The following OAS1 variants were observed in gnomAD, a reference collection of about 807,000 sequenced individuals.
OAS1 encodes 2'-5'-oligoadenylate synthetase 1, also known as 2'-5'-oligoadenylate synthase 1.
OAS1 carries 24 observed loss-of-function variants against 38.5 expected under a neutral mutation model. The ratio of observed to expected loss-of-function variants is 0.62; its 90% CI spans 0.45 to 0.88. The LOEUF is 0.88. Among genes scored for constraint, OAS1 ranks in the 40% least tolerant of loss-of-function variants. The pLI, the probability that OAS1 is intolerant of heterozygous loss-of-function variation, is 0.00. For synonymous variants in OAS1, 169 were observed against 193.9 expected, an observed-to-expected ratio of 0.87 and a Z score of 1.07; for missense variants, 482 against 493.9, an observed-to-expected ratio of 0.98 and a Z score of 0.23.
At chr12:112,923,018 C>T (rs1356117656), downstream of OAS1, among the ~76,000 whole-genome samples, 1 of 152,144 alleles carries the variant, frequency 6.6e-6, no homozygotes, top group Non-Finnish European at 1.5e-5. Flanking sequence ...CTACCATTCC[C>T]ACACACATTT....
chr12:112,918,608 G>A (rs780243772), intron 5 of OAS1: 3 of 454,956 alleles, frequency 6.6e-6, no homozygotes, highest in Non-Finnish European at 1.3e-5. Flanking sequence ...TGAGACAAAG[G>A]CTCAGAGAGG....
intron 6 of OAS1, among the ~76,000 whole-genome samples, chr12:112,930,136 C>T (rs1433570139): frequency 6.6e-6 from 1 of 152,104 alleles, no homozygotes; most frequent in Non-Finnish European, 1.5e-5. Context: ...ACCTCCTCCC[C>T]ACTTTCTCTC....
At chr12:112,915,110 C>G (rs1264448363) in intron 3 of OAS1, among the ~76,000 whole-genome samples, 1 of 152,096 alleles carries the variant, frequency 6.6e-6, no homozygotes, top group Admixed American at 6.5e-5. Context: ...TTTGCAGAAG[C>G]TTTTTAGTTT....
chr12:112,912,107 G>A (rs1053549366), intron 3 of OAS1, among the ~76,000 whole-genome samples: 5 of 152,334 alleles, frequency 3.3e-5, no homozygotes, highest in African/African-American at 1.2e-4. Flanking sequence ...GGAAGCCAAG[G>A]CAGGTAGATT....
chr12:112,932,541 C>G (rs555298089), downstream of OAS1: 3 of 152,374 alleles, frequency 2.0e-5, no homozygotes, highest in African/African-American at 4.8e-5. Context: ...TGCAGTGAGC[C>G]GAGCTCACAC....
intron 5 of OAS1, chr12:112,918,745 TCTGACCAATGGGA>T (rs2043498015): frequency 2.3e-6 from 1 of 427,080 alleles, no homozygotes; most frequent in African/African-American, 2.0e-5. Flanking sequence ...CCACCTCTCA[TCTGACCAATGGGA>T]GACTCTGAGC....
At chr12:112,931,465 A>G (rs1334685418) in intron 6 of OAS1, among the ~76,000 whole-genome samples, 3 of 152,212 alleles carry the variant, frequency 2.0e-5, no homozygotes, top group African/African-American at 7.2e-5. Flanking sequence ...ATCTCATAGG[A>G]TTTGTACGAA....
intron 1 of OAS1, 130 bp from the exon 2 acceptor site, chr12:112,908,406 G>A (rs1287674930): frequency 1.3e-6 from 1 of 787,776 alleles, no homozygotes; most frequent in Non-Finnish European, 2.0e-6. Flanking sequence ...GAGCATTATA[G>A]GAGTTTAAGA....
chr12:112,916,681 A>G lies in OAS1; in HGVS notation c.827A>G (p.Tyr276Cys), dbSNP rs149556785. The change falls in exon 4 of 6, where the codon TAT (tyrosine) becomes TGT (cysteine). Residue 276 changes from tyrosine to cysteine, a missense_variant. Transcript: ENST00000202917. Reference protein sequence around the residue: ...QQLCIYWTKYYDFKNPIIEKY... With the variant: ...QQLCIYWTKYCDFKNPIIEKY... ...CTCTGCATCTACTGGACAAAGTATT[A>G]TGACTTTAAAAACCCCATTATTGAA... 2 of 1,614,214 alleles carry G rather than the reference A, an allele frequency of 1.2e-6. No individual in the cohort carries two copies. The highest frequency in any genetic ancestry group is 4.5e-5 in the East Asian group (2 of 44,886).
At chr12:112,924,980 A>G (rs971416214) in intron 6 of OAS1, among the ~76,000 whole-genome samples, 4 of 152,178 alleles carry the variant, frequency 2.6e-5, no homozygotes, top group Non-Finnish European at 5.9e-5. Flanking sequence ...CTATGGTATA[A>G]CATTGAAGCA....
chr12:112,912,702 G>T (rs1385397688), intron 3 of OAS1, among the ~76,000 whole-genome samples: 1 of 152,188 alleles, frequency 6.6e-6, no homozygotes, highest in Admixed American at 6.5e-5. Context: ...TATATTTAGT[G>T]GAAAGAAGAC....
At chr12:112,932,329 C>T (rs181384877), downstream of OAS1, 587 of 158,872 alleles carry the variant, frequency 3.7e-3, 8 homozygotes, top group Admixed American at 6.2e-3. Context: ...CAGTGGCTCA[C>T]GCCTGTAATC....
chr12:112,913,926 G>A (rs972184601), intron 3 of OAS1, among the ~76,000 whole-genome samples: 1 of 152,016 alleles, frequency 6.6e-6, no homozygotes, highest in Admixed American at 6.6e-5. Flanking sequence ...CACAGAGAGA[G>A]GACTATTTTT....
At chr12:112,910,545 G>T (rs574185812) in intron 2 of OAS1, among the ~76,000 whole-genome samples, 2 of 152,174 alleles carry the variant, frequency 1.3e-5, no homozygotes, top group East Asian at 3.9e-4. Flanking sequence ...AGATCTGGAG[G>T]TTCTGGGAAG....
chr12:112,917,798 C>G, intron 5 of OAS1, 98 bp downstream of exon 5: 1 of 1,613,144 alleles, frequency 6.2e-7, no homozygotes, highest in Non-Finnish European at 8.5e-7. Flanking sequence ...GAACTTACCT[C>G]TTGCCAAAGG....
At chr12:112,914,895 C>T (rs1489253301) in intron 3 of OAS1, among the ~76,000 whole-genome samples, 3 of 151,816 alleles carry the variant, frequency 2.0e-5, no homozygotes, top group Non-Finnish European at 4.4e-5. Context: ...CCCCAATTCC[C>T]CCCACCCCGC....
downstream of OAS1, among the ~76,000 whole-genome samples, chr12:112,921,640 C>T (rs75628555): frequency 0.015 from 2,269 of 152,278 alleles, 165 homozygotes; most frequent in Admixed American, 0.12. Flanking sequence ...GACACCTTTT[C>T]CCATGACTAA....
intron 3 of OAS1, among the ~76,000 whole-genome samples, chr12:112,912,128 A>G (rs895332079): frequency 1.5e-4 from 23 of 152,340 alleles, no homozygotes; most frequent in African/African-American, 5.5e-4. Flanking sequence ...GCTTGAGCCC[A>G]GGAGTTCAAG....
At chr12:112,931,828 G>C in intron 6 of OAS1, 1 of 679,866 alleles carries the variant, frequency 1.5e-6, no homozygotes, top group Non-Finnish European at 2.7e-6. Flanking sequence ...TCTCTGGGCA[G>C]ACAGGCTCCT....
Sources: gnomAD v4.1 joint callset for allele counts (sites outside exome capture counted in the v4.1 genomes callset) on GRCh38, gnomAD v4.1.1 for gene constraint, MANE v1.5 for transcripts, NCBI Gene and HGNC (gene_info 2026-07-23, HGNC 2026-07-21) for gene names.